MGAT5B: variants seen among roughly 807,000 people sequenced by gnomAD.
MGAT5B encodes alpha-1,6-mannosylglycoprotein 6-beta-N-acetylglucosaminyltransferase B, also known as N-acetylglucosaminyl-transferase Vb.
A neutral mutation model predicts 95.1 loss-of-function variants in MGAT5B; 54 were observed. The ratio of observed to expected loss-of-function variants is 0.57; its 90% CI spans 0.46 to 0.71. MGAT5B has a LOEUF of 0.71. Ranked by LOEUF, MGAT5B falls within the 30% of genes least tolerant of loss-of-function variation. The pLI, the probability that MGAT5B is intolerant of heterozygous loss-of-function variation, is 0.00. For missense variants in MGAT5B, 935 were observed against 1,088.6 expected (o/e 0.86, Z 1.99); for synonymous variants, 464 against 451.0 (o/e 1.03, Z -0.36).
intron 9 of MGAT5B, among the ~76,000 whole-genome samples, chr17:76,925,407 A>G (rs71383092): frequency 0.92 from 136,190 of 148,182 alleles, 63,399 homozygotes; most frequent in Non-Finnish European, 0.98. Flanking sequence ...AGAAGAGTAT[A>G]ACGGAACAGG....
At chr17:76,903,557 G>A (rs1168662527) in intron 5 of MGAT5B, among the ~76,000 whole-genome samples, 181 bp downstream of exon 5, 2 of 152,184 alleles carry the variant, frequency 1.3e-5, no homozygotes, top group Admixed American at 1.3e-4. Context: ...AGGTGTCGGT[G>A]CTTTCTCACA....
intron 3 of MGAT5B, among the ~76,000 whole-genome samples, chr17:76,890,774 A>G (rs565423026): frequency 6.6e-6 from 1 of 152,200 alleles, no homozygotes; most frequent in South Asian, 2.1e-4. Context: ...GAGTACTTGG[A>G]TTACAGGTGT....
At chr17:76,903,252 C>A in intron 4 of MGAT5B, 51 bp from the exon 5 acceptor site, 1 of 1,492,688 alleles carries the variant, frequency 6.7e-7, no homozygotes, top group Non-Finnish European at 9.2e-7. Flanking sequence ...GCCTCCCTCC[C>A]TGGGCTCCTC....
At chr17:76,945,291 T>C (rs1462023496) in intron 15 of MGAT5B, among the ~76,000 whole-genome samples, 1 of 152,158 alleles carries the variant, frequency 6.6e-6, no homozygotes. Flanking sequence ...TAGATATTTA[T>C]TTATTTATTT....
intron 3 of MGAT5B, among the ~76,000 whole-genome samples, chr17:76,887,822 G>T (rs931537572): frequency 6.6e-6 from 1 of 152,030 alleles, no homozygotes; most frequent in Non-Finnish European, 1.5e-5. Flanking sequence ...CTCCCAAAGT[G>T]CTGGGATTGC....
At position 76,940,409 on chromosome 17, in the gene MGAT5B, T is replaced by C. The variant is rs1479906181; in HGVS notation, c.1592T>C (p.Ile531Thr). 6.2e-7 allele frequency: 1 copy of C among 1,603,614 alleles called. No homozygotes were observed. Among genetic ancestry groups the C allele is most frequent in the East Asian group, 2.2e-5 (1 of 44,778 alleles). Residue 531 changes from isoleucine (I) to threonine (T), a missense_variant, in exon 14 of 18, where the codon ATC becomes ACC. This residue lies in a region of MGAT5B where 440 missense variants were observed against 523.6 expected (regional missense o/e 0.84). Coordinates refer to ENST00000569840, the MANE Select transcript of MGAT5B (RefSeq NM_001199172.2). This position sits in a 1 kb window ranked among gnomAD's most constrained non-coding sequence, Gnocchi z 4.3. ...CGCCCCTTGACTCTGCAGCTCTTCA[T>C]CGGGTTTGGCTTCCCCTACGAGGGC... ...QQLLRKAKLF[I>T]GFGFPYEGPA...
intron 15 of MGAT5B, among the ~76,000 whole-genome samples, chr17:76,944,928 T>A (rs72887794): frequency 2.1e-3 from 314 of 152,300 alleles, no homozygotes; most frequent in Non-Finnish European, 3.7e-3. Context: ...ACCCACTGGC[T>A]AAAGACGGGA....
rs540821744 is a variant in MGAT5B at position 76,872,941 on chromosome 17, G to T, written c.159G>T (p.Ser53=). ...TCTCGGCCCGGCGCCTGGGGGACTC[G>T]CCATTCACCATCCGCACAGAAGGTA... ...GQFSARRLGD[S]PFTIRTEVMG... The change falls in exon 2 of 18, where the codon TCG becomes TCT. Residue 53 remains serine, a synonymous_variant. Transcript: ENST00000569840. The T allele has an allele frequency of 4.9e-5, 79 of 1,614,008 alleles. No homozygotes were observed. The East Asian group carries it at 1.4e-3, about 29-fold the overall frequency.
rs536025075 is a variant in MGAT5B at position 76,917,405 on chromosome 17, C to T, written c.1026-7561C>T. On this transcript the variant is annotated intron_variant, in intron 8 of 17. Transcript: ENST00000569840. The surrounding 1 kb of genome is among the most constrained non-coding windows in gnomAD (Gnocchi z 6.1). The stretch of plus-strand genomic sequence containing the variant: ...GCATACATTTATCACTTTGAAGGAT[C>T]AGCAGTTTGACCGTGGGCTGAGTCA... Among the ~76,000 whole-genome samples the T allele has an allele frequency of 1.3e-5, 2 of 152,176 alleles. No individual in the cohort carries two copies. Among genetic ancestry groups the T allele is most frequent in the Middle Eastern group, 3.4e-3 (1 of 294 alleles).
chr17:76,896,715 T>C (rs1968075401), intron 3 of MGAT5B, among the ~76,000 whole-genome samples: 1 of 152,164 alleles, frequency 6.6e-6, no homozygotes, highest in African/African-American at 2.4e-5. Flanking sequence ...GACCTCTGAC[T>C]TCCAGGGTTT....
intron 16 of MGAT5B, 38 bp from the exon 17 acceptor site, chr17:76,947,792 C>G: frequency 6.6e-7 from 1 of 1,506,968 alleles, no homozygotes; most frequent in Non-Finnish European, 8.9e-7. Context: ...ACACCTGGGT[C>G]GCACTTCCCC....
chr17:76,898,332 AT>A lies in MGAT5B; in HGVS notation c.330-4208del, dbSNP rs1056312668. Among the ~76,000 whole-genome samples the A allele has an allele frequency of 3.2e-3, 208 of 65,030 alleles. 1 individual carries two copies. Among genetic ancestry groups the A allele is most frequent in the African/African-American group, 5.9e-3 (99 of 16,644 alleles). The allele number at this position is 65,030 out of a possible 152,430, so 42.7% of individuals were successfully genotyped here. A position where few individuals can be genotyped will look rare whatever the true frequency, so the allele number is the denominator to read the frequency against. ...GAGTCACAGAGTACATAATCTTTTT[AT>A]TTTTTTTTTTTTTTGAGACAGAGTC... On this transcript the variant is annotated intron_variant, in intron 3 of 17. Coordinates refer to ENST00000569840, the MANE Select transcript of MGAT5B (RefSeq NM_001199172.2).
chr17:76,920,442 C>T (rs1384852515), intron 8 of MGAT5B, among the ~76,000 whole-genome samples: 1 of 152,204 alleles, frequency 6.6e-6, no homozygotes, highest in East Asian at 1.9e-4. Flanking sequence ...CATGTCACTG[C>T]TCCAGCCAAT....
chr17:76,871,457 G>A (rs561654107), intron 1 of MGAT5B, among the ~76,000 whole-genome samples: 23 of 152,290 alleles, frequency 1.5e-4, no homozygotes, highest in Non-Finnish European at 3.1e-4. Flanking sequence ...GCCCCTCTCT[G>A]CTTTGGGGTT....
chr17:76,923,731 T>A (rs1393714917), intron 8 of MGAT5B: 1 of 152,248 alleles, frequency 6.6e-6, no homozygotes, highest in African/African-American at 2.4e-5. Flanking sequence ...CACGTGTCTC[T>A]GAGTTCGTGA....
rs554965945 is a variant in MGAT5B at position 76,918,709 on chromosome 17, C to T, written c.1026-6257C>T. Among the ~76,000 whole-genome samples the T allele has an allele frequency of 1.5e-3, 226 of 152,284 alleles. No individual in the cohort carries two copies. Among genetic ancestry groups the T allele is most frequent in the Non-Finnish European group, 1.9e-3 (127 of 68,022 alleles). On this transcript the variant is annotated intron_variant, in intron 8 of 17. Coordinates refer to ENST00000569840, the MANE Select transcript of MGAT5B (RefSeq NM_001199172.2). This position sits in a 1 kb window ranked among gnomAD's most constrained non-coding sequence, Gnocchi z 5.1. ...GCCCATGATACTTGGGAAACGGGCA[C>T]TGGTCAGGTTTGGAGGATTTCAGGG...
chr17:76,932,519 C>G (rs909890922), intron 10 of MGAT5B, 126 bp from the exon 11 acceptor site: 1 of 1,404,548 alleles, frequency 7.1e-7, no homozygotes, highest in Non-Finnish European at 9.7e-7. Context: ...CCCCACCGCA[C>G]CCTGTGCCCC....
intron 3 of MGAT5B, among the ~76,000 whole-genome samples, chr17:76,902,315 A>C (rs1460900711): frequency 6.6e-6 from 1 of 151,976 alleles, no homozygotes; most frequent in Non-Finnish European, 1.5e-5. Context: ...AGTTGTGACC[A>C]ACATGTGCAG....
rs1968548698 is a variant in MGAT5B, at chr17:76,906,863, T to G, written c.1025+676T>G. 6.6e-6 allele frequency among the ~76,000 whole-genome samples: 1 copy of G among 152,052 alleles called. No individual in the cohort carries two copies. The highest frequency in any genetic ancestry group is 2.1e-4 in the South Asian group (1 of 4,820). ...CTCTTTATTAATATTTATTGTAAGA[T>G]ATATGATGCATACAAAGTCTATGTA... is the stretch of plus-strand genomic sequence containing the variant. On this transcript the variant is annotated intron_variant, in intron 8 of 17. Transcript: ENST00000569840. The surrounding 1 kb of genome is among the most constrained non-coding windows in gnomAD (Gnocchi z 4.6).
Sources: gnomAD v4.1 joint callset for allele counts (sites outside exome capture counted in the v4.1 genomes callset) on GRCh38, gnomAD v4.1.1 for gene constraint, gnomAD v4.1.1 regional missense constraint, Gnocchi (gnomAD v3.1) non-coding constraint, MANE v1.5 for transcripts, NCBI Gene and HGNC (gene_info 2026-07-23, HGNC 2026-07-21) for gene names.